COL11A1: variants seen among roughly 807,000 people sequenced by gnomAD.
COL11A1 encodes the protein collagen alpha-1(XI) chain.
In COL11A1, 74 loss-of-function variants were observed where a neutral mutation model predicts 265.2. The observed-to-expected ratio is 0.28, with a 90% CI of 0.23 to 0.34. COL11A1 has a LOEUF of 0.34. Ranked by LOEUF, COL11A1 falls within the 10% of genes least tolerant of loss-of-function variation. The pLI is 1.00. For synonymous variants in COL11A1, 816 were observed against 727.6 expected, an observed-to-expected ratio of 1.12 and a Z score of -1.96; for missense variants, 2,165 against 2,263.6, an observed-to-expected ratio of 0.96 and a Z score of 0.88.
At chr1:103,012,979 GT>G (rs958879132) in intron 13 of COL11A1, among the ~76,000 whole-genome samples, 2 of 152,070 alleles carry the variant, frequency 1.3e-5, no homozygotes, top group Non-Finnish European at 2.9e-5. Context: ...AGAGAAGAAT[GT>G]TTTATTTTGT....
chr1:102,888,832 C>T (rs1277096604), intron 60 of COL11A1, 34 bp downstream of exon 60: 2 of 1,612,054 alleles, frequency 1.2e-6, no homozygotes, highest in Admixed American at 1.7e-5. Flanking sequence ...GTAACTTAAC[C>T]CTACCTTATA....
chr1:103,001,981 G>T lies in COL11A1; in HGVS notation c.2098-12C>A, dbSNP rs762588829. On this transcript the variant is annotated splice_polypyrimidine_tract_variant and intron_variant, in intron 23 of 66. Transcript: ENST00000370096. ...GGACCAGGAAGACCCTATTTTAAAA[G>T]AATTTATTTCATATATCAGATATCA... The T allele has an allele frequency of 3.1e-6, 5 of 1,609,114 alleles. No homozygotes were observed. The highest frequency in any genetic ancestry group is 2.2e-5 in the East Asian group (1 of 44,806).
At chr1:103,029,890 C>T (rs1422748620) in intron 5 of COL11A1, among the ~76,000 whole-genome samples, 6 of 151,972 alleles carry the variant, frequency 3.9e-5, no homozygotes, top group African/African-American at 7.2e-5. Flanking sequence ...GAATGCAAAC[C>T]TCCCTTCTTC....
At position 102,940,231 on chromosome 1, in the gene COL11A1, C is replaced by A. The variant is rs1036950221; in HGVS notation, c.3384+96G>T. Reference sequence around the variant, plus strand: ...AAACTTTGAAAAAGGTAACCTTTCACCTGGCGCCTAATCATAAAGATTAGA... The same window carrying A: ...AAACTTTGAAAAAGGTAACCTTTCAACTGGCGCCTAATCATAAAGATTAGA... On this transcript the variant is annotated intron_variant, in intron 43 of 66. Coordinates refer to ENST00000370096, the MANE Select transcript of COL11A1 (RefSeq NM_001854.4). 5.1e-5 allele frequency: 51 copies of A among 1,002,208 alleles called. No homozygotes were observed. The African/African-American group carries it at 7.1e-4, about 14-fold the overall frequency. 62.1% of individuals were successfully genotyped at this position (1,002,208 alleles called of 1,614,324 possible).
At position 103,025,798 on chromosome 1, in the gene COL11A1, A is replaced by G. The variant is rs138792819; in HGVS notation, c.898-185T>C. The G allele has an allele frequency of 4.2e-4, 680 of 1,612,980 alleles. 5 individuals carry two copies. The African/African-American group carries it at 7.9e-3, about 19-fold the overall frequency. On this transcript the variant is annotated intron_variant, in intron 6 of 66. Coordinates refer to ENST00000370096, the MANE Select transcript of COL11A1 (RefSeq NM_001854.4). ...AGATCTTGATTGCTTTTTCTTCGCT[A>G]CCTTTACCCCTAGTTTGGCTTTTGC...
chr1:103,074,503 T>C (rs1671821011), intron 4 of COL11A1, 115 bp downstream of exon 4: 1 of 1,164,814 alleles, frequency 8.6e-7, no homozygotes, highest in Admixed American at 2.0e-5. Flanking sequence ...TAGGTCACCC[T>C]TTAGAGTTTT....
In COL11A1 at chr1:102,877,712, A is replaced by G. The variant is rs1179285238; in HGVS notation, c.*307T>C. On this transcript the variant is annotated 3_prime_UTR_variant, in exon 67 of 67. Transcript: ENST00000370096. ...AATGAGCACCATATTTTTTATGAATATATATTTTTCTTTTTTTGTTTTCTA... is the reference window on the plus strand; with the variant it reads ...AATGAGCACCATATTTTTTATGAATGTATATTTTTCTTTTTTTGTTTTCTA... 3 of 306,104 alleles carry G rather than the reference A, an allele frequency of 9.8e-6. No homozygotes were observed. The highest frequency in any genetic ancestry group is 2.2e-5 in the African/African-American group (1 of 45,868). 19.0% of individuals were successfully genotyped at this position (306,104 alleles called of 1,614,324 possible). A position where few individuals can be genotyped will look rare whatever the true frequency, so the allele number is the denominator to read the frequency against.
At chr1:103,083,366 T>A (rs576003419) in intron 1 of COL11A1, among the ~76,000 whole-genome samples, 1 of 152,164 alleles carries the variant, frequency 6.6e-6, no homozygotes, top group African/African-American at 2.4e-5. Flanking sequence ...TTATAAAATA[T>A]TTAATAATTC....
chr1:103,085,458 C>T (rs12121105), intron 1 of COL11A1, among the ~76,000 whole-genome samples: 26,681 of 152,150 alleles, frequency 0.18, 3,113 homozygotes, highest in Non-Finnish European at 0.24. Flanking sequence ...AACCAGAGTG[C>T]CCAGTGAAAT....
At chr1:103,028,911 A>T (rs917559462) in intron 5 of COL11A1, among the ~76,000 whole-genome samples, 1 of 152,150 alleles carries the variant, frequency 6.6e-6, no homozygotes, top group Non-Finnish European at 1.5e-5. Flanking sequence ...ATAGGAAGAT[A>T]ATTTCACTTG....
intron 4 of COL11A1, among the ~76,000 whole-genome samples, chr1:103,065,247 A>G (rs1233478522): frequency 3.3e-5 from 5 of 152,136 alleles, no homozygotes; most frequent in African/African-American, 9.7e-5. Context: ...TTGGCCGGGC[A>G]CGGTGGCTCA....
intron 55 of COL11A1, 36 bp from the exon 56 acceptor site, chr1:102,898,809 T>A (rs761319196): frequency 6.3e-7 from 1 of 1,577,466 alleles, no homozygotes; most frequent in East Asian, 2.3e-5. Flanking sequence ...ACATTAGTGA[T>A]GAGAAAATAC....
intron 54 of COL11A1, among the ~76,000 whole-genome samples, chr1:102,910,992 A>G (rs1654605979): frequency 6.6e-6 from 1 of 152,190 alleles, no homozygotes; most frequent in African/African-American, 2.4e-5. Context: ...ACAGCTATGC[A>G]TCACAGTTTT....
intron 46 of COL11A1, among the ~76,000 whole-genome samples, chr1:102,925,032 T>C (rs557760222): frequency 2.0e-5 from 3 of 152,092 alleles, no homozygotes; most frequent in Non-Finnish European, 2.9e-5. Flanking sequence ...TAATTTTTAA[T>C]GTTTGCATAA....
intron 30 of COL11A1, among the ~76,000 whole-genome samples, chr1:102,986,723 TATTAC>T (rs1400430041): frequency 6.6e-6 from 1 of 152,136 alleles, no homozygotes; most frequent in African/African-American, 2.4e-5. Context: ...AGACAAATGT[TATTAC>T]ATTATAACAT....
intron 36 of COL11A1, among the ~76,000 whole-genome samples, chr1:102,972,766 T>G (rs1662087628): frequency 6.6e-6 from 1 of 152,130 alleles, no homozygotes; most frequent in South Asian, 2.1e-4. Context: ...GGTAATTGTT[T>G]AAGGATGTTT....
intron 62 of COL11A1, among the ~76,000 whole-genome samples, chr1:102,887,285 C>T (rs1651114144): frequency 6.6e-6 from 1 of 152,002 alleles, no homozygotes; most frequent in Non-Finnish European, 1.5e-5. Flanking sequence ...GATGATTTCT[C>T]ACCCTTTATC....
intron 1 of COL11A1, among the ~76,000 whole-genome samples, chr1:103,084,838 G>C (rs1672727849): frequency 6.6e-6 from 1 of 152,128 alleles, no homozygotes; most frequent in Non-Finnish European, 1.5e-5. Context: ...TTTGACCATA[G>C]GCTCACTGAT....
At chr1:102,929,726 ATGGAATGTTCTTCCATTTGTT>A (rs1298937345) in intron 46 of COL11A1, among the ~76,000 whole-genome samples, 4 of 152,168 alleles carry the variant, frequency 2.6e-5, no homozygotes, top group Non-Finnish European at 5.9e-5. Flanking sequence ...ACCCATTTGC[ATGGAATGTTCTTCCATTTGTT>A]TGTATCCTCT....
Sources: allele counts gnomAD v4.1 joint callset (sites outside exome capture counted in the v4.1 genomes callset), GRCh38; gene constraint gnomAD v4.1.1; transcripts MANE v1.5; gene names NCBI Gene and HGNC (gene_info 2026-07-23, HGNC 2026-07-21).